The following OTUD7A variants were observed in gnomAD, a reference collection of about 807,000 sequenced individuals.
OTUD7A encodes the protein OTU deubiquitinase 7A, also known as OTU domain-containing protein 7A.
A neutral mutation model predicts 65.7 loss-of-function variants in OTUD7A; 12 were observed. The observed-to-expected ratio is 0.18, with a 90% CI of 0.12 to 0.30. OTUD7A has a LOEUF of 0.30. Among genes scored for constraint, OTUD7A ranks in the 10% least tolerant of loss-of-function variants. The pLI, the probability that OTUD7A is intolerant of heterozygous loss-of-function variation, is 1.00. For missense variants in OTUD7A, 1,148 were observed against 1,304.8 expected (o/e 0.88, Z 1.85); for synonymous variants, 641 against 586.3 (o/e 1.09, Z -1.35).
intron 1 of OTUD7A, among the ~76,000 whole-genome samples, chr15:31,869,728 T>C (rs1354461325): frequency 6.6e-6 from 1 of 152,164 alleles, no homozygotes; most frequent in Non-Finnish European, 1.5e-5. Flanking sequence ...TCCATTTTAT[T>C]ACAGAGATTC....
chr15:31,610,836 A>T (rs8024993), intron 3 of OTUD7A, among the ~76,000 whole-genome samples: 2 of 149,976 alleles, frequency 1.3e-5, no homozygotes, highest in African/African-American at 4.9e-5. Context: ...TCACCGTGTT[A>T]GCCAGGATGG....
chr15:31,522,148 G>A (rs778487330), intron 8 of OTUD7A, among the ~76,000 whole-genome samples: 7 of 152,174 alleles, frequency 4.6e-5, no homozygotes, highest in Non-Finnish European at 8.8e-5. Flanking sequence ...CTGGTTAAAC[G>A]TTATTTCTGC....
chr15:31,546,176 A>G (rs1192989290), intron 5 of OTUD7A, among the ~76,000 whole-genome samples: 1 of 152,224 alleles, frequency 6.6e-6, no homozygotes. Flanking sequence ...GTCCTGGAAC[A>G]AATTCCCTAT....
At chr15:31,662,763 A>T (rs1892201054) in intron 1 of OTUD7A, among the ~76,000 whole-genome samples, 1 of 152,220 alleles carries the variant, frequency 6.6e-6, no homozygotes, top group African/African-American at 2.4e-5. Context: ...TTTTGAGTTC[A>T]TTCTAATATT....
intron 5 of OTUD7A, among the ~76,000 whole-genome samples, chr15:31,535,915 C>T (rs994411415): frequency 7.9e-5 from 12 of 151,982 alleles, no homozygotes; most frequent in Admixed American, 3.3e-4. Flanking sequence ...CTCCTGACCT[C>T]GTGATCCGCC....
intron 1 of OTUD7A, among the ~76,000 whole-genome samples, chr15:31,748,786 T>C (rs1357861987): frequency 1.3e-5 from 2 of 152,178 alleles, no homozygotes; most frequent in East Asian, 1.9e-4. Flanking sequence ...TTCATAGCAA[T>C]GTTATAATAG....
intron 1 of OTUD7A, among the ~76,000 whole-genome samples, chr15:31,735,801 G>C (rs549688493): frequency 2.2e-4 from 33 of 152,242 alleles, no homozygotes; most frequent in African/African-American, 7.5e-4. Context: ...CAAAGACATG[G>C]AATCAACCTA....
intron 1 of OTUD7A, among the ~76,000 whole-genome samples, chr15:31,726,063 T>C (rs1172694147): frequency 3.3e-5 from 5 of 152,236 alleles, no homozygotes; most frequent in African/African-American, 1.2e-4. Flanking sequence ...AGTTTTTTTT[T>C]TTTTTTGGTT....
At chr15:31,687,864 T>G (rs1397576981) in intron 1 of OTUD7A, among the ~76,000 whole-genome samples, 1 of 152,176 alleles carries the variant, frequency 6.6e-6, no homozygotes, top group African/African-American at 2.4e-5. Flanking sequence ...GAAGAGAATG[T>G]TCACAGGGCT....
chr15:31,610,609 A>ATTTTTTTTTT (rs1566942812), intron 3 of OTUD7A, among the ~76,000 whole-genome samples: 3 of 39,782 alleles, frequency 7.5e-5, no homozygotes, highest in Non-Finnish European at 1.3e-4. Flanking sequence ...ATATATATAT[A>ATTTTTTTTTT]TATATATATT....
chr15:31,744,105 C>T (rs976907453), intron 1 of OTUD7A, among the ~76,000 whole-genome samples: 102 of 152,246 alleles, frequency 6.7e-4, no homozygotes, highest in African/African-American at 2.4e-3. Context: ...GAATCTGTAT[C>T]TGCTAAGAAA....
chr15:31,603,825 C>T (rs1266846172), intron 3 of OTUD7A, among the ~76,000 whole-genome samples: 1 of 151,980 alleles, frequency 6.6e-6, no homozygotes, highest in Non-Finnish European at 1.5e-5. Flanking sequence ...TTTATGTGGC[C>T]AACAGACATA....
chr15:31,828,709 C>A (rs2140980869), intron 1 of OTUD7A, among the ~76,000 whole-genome samples: 1 of 152,232 alleles, frequency 6.6e-6, no homozygotes, highest in Middle Eastern at 3.4e-3. Flanking sequence ...CCAATCTGTA[C>A]TTTTTTCTGT....
chr15:31,608,054 C>G (rs1021391333), intron 3 of OTUD7A, among the ~76,000 whole-genome samples: 2 of 152,146 alleles, frequency 1.3e-5, no homozygotes, highest in East Asian at 3.8e-4. Flanking sequence ...CGAGACCATC[C>G]TGGCCAACAT....
intron 3 of OTUD7A, among the ~76,000 whole-genome samples, chr15:31,641,306 A>T: frequency 6.6e-6 from 1 of 152,216 alleles, no homozygotes; most frequent in Admixed American, 6.5e-5. Flanking sequence ...ACTGTGAGTC[A>T]ACTAAGCCTC....
At chr15:31,827,742 C>T (rs888511084) in intron 1 of OTUD7A, among the ~76,000 whole-genome samples, 18 of 151,984 alleles carry the variant, frequency 1.2e-4, no homozygotes, top group Admixed American at 9.2e-4. Flanking sequence ...GCCTGGCCAA[C>T]GTGGTAAAAT....
At chr15:31,614,451 T>C (rs1049279243) in intron 3 of OTUD7A, among the ~76,000 whole-genome samples, 2 of 151,848 alleles carry the variant, frequency 1.3e-5, no homozygotes, top group African/African-American at 4.8e-5. Flanking sequence ...AAACCTATGA[T>C]AAAGGAAAAT....
In OTUD7A at chr15:31,633,370, A is replaced by G. The variant is rs77758586; in HGVS notation, c.151+21726T>C. Among the ~76,000 whole-genome samples, 452 of 152,246 alleles carry G rather than the reference A, an allele frequency of 3.0e-3. 4 individuals carry two copies. In the East Asian group the frequency reaches 0.034, roughly 12 times the overall value. ...GATGCCTCTCCAACTTCTACACTAG[A>G]TATTCATTTCTCACCTTAGACCTTT... On this transcript the variant is annotated intron_variant, in intron 3 of 12. Transcript: ENST00000307050.
At chr15:31,693,309 C>A (rs1329046673) in intron 1 of OTUD7A, among the ~76,000 whole-genome samples, 4 of 152,166 alleles carry the variant, frequency 2.6e-5, no homozygotes, top group Non-Finnish European at 5.9e-5. Context: ...ATGTAAAGAT[C>A]TGGAAGGCTG....
Sources: gnomAD v4.1 joint callset for allele counts (sites outside exome capture counted in the v4.1 genomes callset) on GRCh38, gnomAD v4.1.1 for gene constraint, MANE v1.5 for transcripts, NCBI Gene and HGNC (gene_info 2026-07-23, HGNC 2026-07-21) for gene names.